The following VPS28 variants were observed in gnomAD, a reference collection of about 807,000 sequenced individuals.
VPS28 encodes the protein vacuolar protein sorting-associated protein 28 homolog.
VPS28 carries 29 observed loss-of-function variants against 33.7 expected under a neutral mutation model. The ratio of observed to expected loss-of-function variants is 0.86; its 90% confidence interval spans 0.64 to 1.17. The LOEUF is 1.17. VPS28 is among the 50% of genes most tolerant of loss of function. The pLI is 0.00. For synonymous variants in VPS28, 164 were observed against 116.7 expected (o/e 1.40, Z -2.61); for missense variants, 247 against 312.2 (o/e 0.79, Z 1.57).
intron 4 of VPS28, 80 bp downstream of exon 4, chr8:144,425,946 T>C (rs1822707127): frequency 1.4e-6 from 2 of 1,472,222 alleles, no homozygotes; most frequent in Non-Finnish European, 9.1e-7. Flanking sequence ...CCCCTCAGTT[T>C]GGGGTGGGTC....
chr8:144,425,988 C>T, intron 4 of VPS28, 38 bp downstream of exon 4: 1 of 1,481,262 alleles, frequency 6.8e-7, no homozygotes, highest in Non-Finnish European at 9.0e-7. Flanking sequence ...GCCAGATGCG[C>T]ATGGGTGTGT....
chr8:144,426,004 C>T, intron 4 of VPS28, 22 bp downstream of exon 4: 1 of 1,496,822 alleles, frequency 6.7e-7, no homozygotes, highest in South Asian at 1.3e-5. Flanking sequence ...TGTGTTGGGA[C>T]AGCCTGGGCG....
intron 1 of VPS28, among the ~76,000 whole-genome samples, chr8:144,427,460 A>C (rs1249784248): frequency 6.6e-6 from 1 of 152,158 alleles, no homozygotes; most frequent in Non-Finnish European, 1.5e-5. Flanking sequence ...TACTATGGAC[A>C]CTCAGGAGAG....
rs1456816649 is a variant in VPS28, at chr8:144,424,741, G to T, written c.379C>A (p.Arg127Ser). 10 of 1,613,114 alleles carry T rather than the reference G, an allele frequency of 6.2e-6. No homozygotes were observed. Among genetic ancestry groups the T allele is most frequent in the Non-Finnish European group, 8.5e-6 (10 of 1,179,984 alleles). Residue 127 changes from arginine (R) to serine (S), a missense_variant, in exon 7 of 10, where the codon CGC becomes AGC. Arg to Ser is a moderately radical substitution (Grantham distance 110). Transcript: ENST00000292510. ...TIKDDKGNLN[R>S]CIADVVSLFI... ...ACCGAGACCACGTCTGCGATGCAGC[G>T]GTTGAGGTTGCCCTTGTCGTCCTTG...
Position 144,423,873 on chromosome 8 carries a change from G to GT in VPS28, c.597dup (p.Gln200ThrfsTer28). The GT allele has an allele frequency of 6.2e-7, 1 of 1,613,150 alleles. No homozygotes were observed. Among genetic ancestry groups the GT allele is most frequent in the Non-Finnish European group, 8.5e-7 (1 of 1,180,044 alleles). On this transcript the variant is annotated frameshift_variant, in exon 10 of 10. Transcript: ENST00000292510. LOFTEE classifies it high-confidence loss of function. ...AGGTCGAACAGCATCTGACGCACCTGTGAGTCGTCCAGCTCATCTGACGCC... is the reference window on the plus strand; with the variant it reads ...AGGTCGAACAGCATCTGACGCACCTGTTGAGTCGTCCAGCTCATCTGACGCC...
Position 144,423,936 on chromosome 8 carries a change from A to T in VPS28, c.549-14T>A. The T allele has an allele frequency of 6.2e-7, 1 of 1,613,096 alleles. No homozygotes were observed. The highest frequency in any genetic ancestry group is 8.5e-7 in the Non-Finnish European group (1 of 1,179,980). ...AGGGTCTGCAGCCTGGGAGTGCAGC[A>T]CAGGGCATGTGGGGGCTGAGGGCCT... On this transcript the variant is annotated splice_polypyrimidine_tract_variant and intron_variant, in intron 9 of 9. Transcript: ENST00000292510.
chr8:144,423,956 G>T, intron 9 of VPS28, 34 bp from the exon 10 acceptor site: 1 of 1,612,626 alleles, frequency 6.2e-7, no homozygotes. Context: ...TGGGGGCTGA[G>T]GGCCTCAGGG....
intron 1 of VPS28, among the ~76,000 whole-genome samples, chr8:144,427,702 C>A (rs1822877373): frequency 6.6e-6 from 1 of 152,176 alleles, no homozygotes; most frequent in African/African-American, 2.4e-5. Context: ...CCTAGTTGGG[C>A]AGCGAGCTGT....
intron 2 of VPS28, chr8:144,426,681 T>G (rs1822774890): frequency 1.8e-6 from 1 of 548,548 alleles, no homozygotes; most frequent in Non-Finnish European, 3.3e-6. Flanking sequence ...CCCACCGTTC[T>G]GGCCACACCG....
chr8:144,423,933 A>G lies in VPS28; in HGVS notation c.549-11T>C. ...CTCAGGGTCTGCAGCCTGGGAGTGC[A>G]GCACAGGGCATGTGGGGGCTGAGGG... On this transcript the variant is annotated splice_polypyrimidine_tract_variant and intron_variant, in intron 9 of 9. Coordinates refer to ENST00000292510, the MANE Select transcript of VPS28 (RefSeq NM_016208.4). 1 of 1,613,114 alleles carries G rather than the reference A, an allele frequency of 6.2e-7. No homozygotes were observed. Among genetic ancestry groups the G allele is most frequent in the Non-Finnish European group, 8.5e-7 (1 of 1,179,994 alleles).
At chr8:144,425,846 G>A (rs559190489) in intron 4 of VPS28, 74 bp from the exon 5 acceptor site, 113 of 1,598,456 alleles carry the variant, frequency 7.1e-5, no homozygotes, top group Admixed American at 5.7e-4. Context: ...CCCCCTGCCC[G>A]GAGGTGCCAC....
intron 5 of VPS28, 91 bp downstream of exon 5, chr8:144,425,592 C>T: frequency 7.0e-7 from 1 of 1,419,330 alleles, no homozygotes; most frequent in African/African-American, 1.4e-5. Flanking sequence ...AAGTGGGTGC[C>T]TCCCAGCCTG....
intron 7 of VPS28, 163 bp downstream of exon 7, chr8:144,424,555 C>G (rs1396934894): frequency 2.3e-6 from 2 of 871,144 alleles, no homozygotes; most frequent in East Asian, 2.6e-5. Flanking sequence ...CTGGGGGCGT[C>G]CCCGCATGCT....
Position 144,427,697 on chromosome 8 carries a change from T to C in VPS28, c.-34-718A>G, listed in dbSNP as rs370493229. 3.3e-4 allele frequency among the ~76,000 whole-genome samples: 50 copies of C among 152,206 alleles called. No individual in the cohort carries two copies. The East Asian group carries it at 7.2e-3, about 22-fold the overall frequency. On this transcript the variant is annotated intron_variant, in intron 1 of 9. Transcript: ENST00000292510. ...AATGAAGATGGAGAGGTGCCCCTAG[T>C]TGGGCAGCGAGCTGTGGAGAAACAA... is the stretch of plus-strand genomic sequence containing the variant.
chr8:144,424,257 C>T lies in VPS28; in HGVS notation c.414G>A (p.Thr138=), dbSNP rs782584938. ...CIADVVSLFI[T]VMDKLRLEIR... Reference sequence around the variant, plus strand: ...TCTCCAGACGCAGCTTGTCCATGACCGTGATGAAGAGCTGGGGGCAGGTGT... The same window carrying T: ...TCTCCAGACGCAGCTTGTCCATGACTGTGATGAAGAGCTGGGGGCAGGTGT... Residue 138 remains threonine (T), a synonymous_variant, in exon 8 of 10, where the codon ACG becomes ACA. Transcript: ENST00000292510. 7.5e-6 allele frequency: 12 copies of T among 1,604,592 alleles called. No homozygotes were observed. In the African/African-American group the frequency reaches 9.4e-5, roughly 13 times the overall value.
intron 4 of VPS28, 84 bp from the exon 5 acceptor site, chr8:144,425,856 C>T (rs1564719666): frequency 6.3e-7 from 1 of 1,589,628 alleles, no homozygotes. Flanking sequence ...GGAGGTGCCA[C>T]TGCGGGCGCT....
At chr8:144,426,387 G>A (rs935722993) in intron 2 of VPS28, 179 bp from the exon 3 acceptor site, 1 of 775,228 alleles carries the variant, frequency 1.3e-6, no homozygotes, top group Non-Finnish European at 1.9e-6. Context: ...GGGGGGACCT[G>A]ATGATAACAC....
rs548299318 is a variant in VPS28 at position 144,425,619 on chromosome 8, G to A, written c.194+64C>T. ...CCCAGCCTGACAGACGCCTGCTCTTGCTGCCTATGGAGCACCCAAGCCCCC... is the reference window on the plus strand; with the variant it reads ...CCCAGCCTGACAGACGCCTGCTCTTACTGCCTATGGAGCACCCAAGCCCCC... On this transcript the variant is annotated intron_variant, in intron 5 of 9. Coordinates refer to ENST00000292510, the MANE Select transcript of VPS28 (RefSeq NM_016208.4). 4,754 of 1,557,482 alleles carry A rather than the reference G, an allele frequency of 3.1e-3. 15 individuals carry two copies. Among genetic ancestry groups the A allele is most frequent in the Non-Finnish European group, 3.7e-3 (4,214 of 1,134,162 alleles).
At chr8:144,425,609 G>A (rs1271227693) in intron 5 of VPS28, 74 bp downstream of exon 5, 16 of 1,515,788 alleles carry the variant, frequency 1.1e-5, no homozygotes, top group African/African-American at 9.6e-5. Flanking sequence ...CCTGACAGAC[G>A]CCTGCTCTTG....
Sources: allele counts gnomAD v4.1 joint callset (sites outside exome capture counted in the v4.1 genomes callset), GRCh38; gene constraint gnomAD v4.1.1; transcripts MANE v1.5; gene names NCBI Gene and HGNC (gene_info 2026-07-23, HGNC 2026-07-21).